CEP350: variants seen among roughly 807,000 people sequenced by gnomAD.
The protein encoded by CEP350 is centrosomal protein 350.
A neutral mutation model predicts 331.8 loss-of-function variants in CEP350; 126 were observed. The ratio of observed to expected loss-of-function variants is 0.38; its 90% confidence interval spans 0.33 to 0.44. The LOEUF is 0.44. Among genes scored for constraint, CEP350 ranks in the 20% least tolerant of loss-of-function variants. The pLI is 1.00. For synonymous variants in CEP350, 1,200 were observed against 1,259.5 expected (o/e 0.95, Z 1.00); for missense variants, 3,406 against 3,634.6 (o/e 0.94, Z 1.62).
Position 179,996,941 on chromosome 1 carries a change from ACTAGTACTT to A in CEP350, c.788_796del (p.Ser263_Ser265del), listed in dbSNP as rs2148714613. On this transcript the variant is annotated inframe_deletion, in exon 6 of 38. Coordinates refer to ENST00000367607, the MANE Select transcript of CEP350 (RefSeq NM_014810.5). ...ACTAACTGACTCTTCTCCATCCTCTACTAGTACTTCTAATTCCCAAAGATTAGATATTCT... is the reference window on the plus strand; with the variant it reads ...ACTAACTGACTCTTCTCCATCCTCTACTAATTCCCAAAGATTAGATATTCT... 6.2e-7 allele frequency: 1 copy of A among 1,614,062 alleles called. No individual in the cohort carries two copies.
At chr1:180,050,204 G>C (rs191379442) in intron 22 of CEP350, among the ~76,000 whole-genome samples, 1 of 152,172 alleles carries the variant, frequency 6.6e-6, no homozygotes, top group Non-Finnish European at 1.5e-5. Context: ...GGTGTGATCT[G>C]TGAAAGAAAA....
intron 28 of CEP350, among the ~76,000 whole-genome samples, chr1:180,076,771 AGAGT>A (rs1279979549): frequency 6.6e-6 from 1 of 152,210 alleles, no homozygotes; most frequent in African/African-American, 2.4e-5. Context: ...CCTGGGTGAC[AGAGT>A]GAGACTCTGT....
At chr1:180,053,998 A>C in intron 24 of CEP350, 64 bp downstream of exon 24, 1 of 1,304,738 alleles carries the variant, frequency 7.7e-7, no homozygotes, top group Non-Finnish European at 1.0e-6. Flanking sequence ...TTTATATTTT[A>C]AGATTTTTTT....
At chr1:180,044,987 A>G (rs1032338252) in intron 21 of CEP350, among the ~76,000 whole-genome samples, 3 of 151,664 alleles carry the variant, frequency 2.0e-5, no homozygotes, top group Non-Finnish European at 4.4e-5. Flanking sequence ...GGCTGTGTTT[A>G]TTGCACATTT....
At chr1:179,970,415 C>T (rs1159936423) in intron 1 of CEP350, among the ~76,000 whole-genome samples, 1 of 152,176 alleles carries the variant, frequency 6.6e-6, no homozygotes, top group African/African-American at 2.4e-5. Context: ...TGTAATAGAT[C>T]TGAGTTATAA....
intron 22 of CEP350, among the ~76,000 whole-genome samples, chr1:180,049,621 G>A (rs976575214): frequency 5.4e-5 from 8 of 147,892 alleles, no homozygotes; most frequent in Non-Finnish European, 1.2e-4. Context: ...TCAGCTCACT[G>A]CAACCTCCGC....
At chr1:179,991,027 T>G (rs1240490015) in intron 4 of CEP350, among the ~76,000 whole-genome samples, 1 of 152,196 alleles carries the variant, frequency 6.6e-6, no homozygotes, top group Non-Finnish European at 1.5e-5. Flanking sequence ...GTTTTCACCA[T>G]CTTTTGACCA....
chr1:180,096,219 A>C (rs887965765), intron 36 of CEP350, 35 bp downstream of exon 36: 1 of 1,519,382 alleles, frequency 6.6e-7, no homozygotes, highest in South Asian at 1.3e-5. Flanking sequence ...TTCTTTTTTG[A>C]CTTGCTGTTC....
At chr1:179,958,637 A>G (rs1650351950) in intron 1 of CEP350, among the ~76,000 whole-genome samples, 1 of 152,208 alleles carries the variant, frequency 6.6e-6, no homozygotes, top group Admixed American at 6.5e-5. Flanking sequence ...CTCTTGGCGA[A>G]TTACTTAAAG....
chr1:179,965,558 C>T (rs1208584845), intron 1 of CEP350, among the ~76,000 whole-genome samples: 1 of 150,178 alleles, frequency 6.7e-6, no homozygotes, highest in Non-Finnish European at 1.5e-5. Context: ...GAATAGCCAG[C>T]TAAATGCCAG....
rs575335127 is a variant in CEP350, at chr1:180,003,203, A to G, written c.1048A>G (p.Thr350Ala). The G allele has an allele frequency of 9.9e-6, 16 of 1,613,302 alleles. 1 individual carries two copies. Among genetic ancestry groups the G allele is most frequent in the African/African-American group, 6.7e-5 (5 of 75,036 alleles). ...CAACCCTTCAGAGACCAAGATTCGA[A>G]CACCTGATGGGAAAGTGTGGCAGGA... is the stretch of plus-strand genomic sequence containing the variant. ...GFNPSETKIR[T>A]PDGKVWQEAE... is the part of the protein sequence containing the mutation. The change falls in exon 7 of 38, where the codon ACA (threonine) becomes GCA (alanine). Residue 350 changes from threonine to alanine, a missense_variant. Coordinates refer to ENST00000367607, the MANE Select transcript of CEP350 (RefSeq NM_014810.5).
rs1266472446 is a variant in CEP350 at position 180,041,169 on chromosome 1, C to A, written c.4142C>A (p.Ala1381Asp). ...CAGCAACGCCATGAAAGAGACTTGG[C>A]CCTCTTGAAACTAAAGGCTGAACAA... ...AQQQRHERDL[A>D]LLKLKAEQEA... Residue 1381 changes from alanine to aspartate, a missense_variant, in exon 18 of 38, where the codon GCC (alanine) becomes GAC (aspartate). Coordinates refer to ENST00000367607, the MANE Select transcript of CEP350 (RefSeq NM_014810.5). The A allele has an allele frequency of 3.1e-6, 5 of 1,596,810 alleles. No individual in the cohort carries two copies. Among genetic ancestry groups the A allele is most frequent in the South Asian group, 2.3e-5 (2 of 87,530 alleles).
At chr1:180,068,076 A>G (rs1167574951) in intron 27 of CEP350, among the ~76,000 whole-genome samples, 2 of 152,246 alleles carry the variant, frequency 1.3e-5, no homozygotes, top group Non-Finnish European at 2.9e-5. Flanking sequence ...ACCAAAGAGT[A>G]GTCGTCCTTC....
chr1:179,981,001 G>C (rs1383302076), intron 1 of CEP350, among the ~76,000 whole-genome samples: 1 of 152,040 alleles, frequency 6.6e-6, no homozygotes, highest in Non-Finnish European at 1.5e-5. Context: ...AGCAATGTTT[G>C]CTTTTTATTA....
intron 34 of CEP350, 62 bp from the exon 35 acceptor site, chr1:180,095,461 T>G (rs1296796773): frequency 1.1e-4 from 164 of 1,525,772 alleles, no homozygotes; most frequent in Non-Finnish European, 1.4e-4. Context: ...CTGTCTTTTT[T>G]TAAAAAAAAA....
At position 180,087,587 on chromosome 1, in the gene CEP350, G is replaced by A; in HGVS notation, c.6295G>A (p.Glu2099Lys). The change falls in exon 32 of 38, where the codon GAA (glutamate) becomes AAA (lysine). Residue 2099 changes from glutamate to lysine, a missense_variant. Glu to Lys is a moderately conservative substitution (Grantham distance 56). This residue lies in a region of CEP350 where 1,415 missense variants were observed against 1,512.3 expected (regional missense o/e 0.94). Transcript: ENST00000367607. ...SLIKQLESYD[E>K]FIKKTEAELS... ...GTTTTTCTAAACTTAGTCATATGATGAATTTATTAAGAAAACTGAAGCCGA... is the reference window on the plus strand; with the variant it reads ...GTTTTTCTAAACTTAGTCATATGATAAATTTATTAAGAAAACTGAAGCCGA... 6.5e-7 allele frequency: 1 copy of A among 1,540,988 alleles called. No homozygotes were observed. Among genetic ancestry groups the A allele is most frequent in the Non-Finnish European group, 8.8e-7 (1 of 1,140,772 alleles).
intron 32 of CEP350, among the ~76,000 whole-genome samples, chr1:180,087,931 G>A (rs1397603245): frequency 6.6e-6 from 1 of 151,986 alleles, no homozygotes; most frequent in Admixed American, 6.6e-5. Flanking sequence ...TAATCCTGCA[G>A]TCTGATGGGT....
At chr1:179,983,870 A>AT (rs1183368229) in intron 1 of CEP350, among the ~76,000 whole-genome samples, 1 of 152,214 alleles carries the variant, frequency 6.6e-6, no homozygotes, top group African/African-American at 2.4e-5. Context: ...AGAAAAGATA[A>AT]TTCACCAATG....
At chr1:179,965,391 G>C (rs1361953857) in intron 1 of CEP350, among the ~76,000 whole-genome samples, 1 of 152,126 alleles carries the variant, frequency 6.6e-6, no homozygotes, top group Non-Finnish European at 1.5e-5. Flanking sequence ...ACAGTATTCT[G>C]TAGAAGTCTG....
Sources: gnomAD v4.1 joint callset for allele counts (sites outside exome capture counted in the v4.1 genomes callset) on GRCh38, gnomAD v4.1.1 for gene constraint, gnomAD v4.1.1 regional missense constraint, MANE v1.5 for transcripts, NCBI Gene and HGNC (gene_info 2026-07-23, HGNC 2026-07-21) for gene names.